MYO9A: variants seen among roughly 807,000 people sequenced by gnomAD.
MYO9A encodes myosin IXA, also known as unconventional myosin-IXa.
A neutral mutation model predicts 293.3 loss-of-function variants in MYO9A; 103 were observed. That is an observed-to-expected ratio of 0.35 (90% confidence interval 0.30 to 0.41). The LOEUF is 0.41. Among genes scored for constraint, MYO9A ranks in the 10% least tolerant of loss-of-function variants. The probability of loss-of-function intolerance (pLI) is 1.00; values close to 1 mark genes in which losing one functional copy is unlikely to be tolerated. For synonymous variants in MYO9A, 1,001 were observed against 1,035.7 expected (o/e 0.97, Z 0.64); for missense variants, 2,685 against 3,033.0 (o/e 0.89, Z 2.69).
At chr15:71,923,092 G>A (rs753389202) in intron 18 of MYO9A, among the ~76,000 whole-genome samples, 5 of 152,134 alleles carry the variant, frequency 3.3e-5, no homozygotes, top group Non-Finnish European at 7.4e-5. Flanking sequence ...TCATGAATGA[G>A]TGTTGAATTT....
At chr15:72,043,350 A>C (rs186035468) in intron 2 of MYO9A, among the ~76,000 whole-genome samples, 2 of 152,350 alleles carry the variant, frequency 1.3e-5, no homozygotes, top group Admixed American at 6.5e-5. Flanking sequence ...TGATCTAGTC[A>C]TTACATTGCT....
intron 18 of MYO9A, among the ~76,000 whole-genome samples, chr15:71,929,625 A>G (rs1313664093): frequency 6.6e-6 from 1 of 152,208 alleles, no homozygotes; most frequent in Non-Finnish European, 1.5e-5. Flanking sequence ...CTTGTATCGC[A>G]AGAATAAACC....
At chr15:71,838,364 C>CT (rs772175830) in intron 39 of MYO9A, among the ~76,000 whole-genome samples, 39 of 151,884 alleles carry the variant, frequency 2.6e-4, no homozygotes, top group Non-Finnish European at 4.6e-4. Context: ...CTTTAATGGT[C>CT]TTATATAATA....
Position 71,901,269 on chromosome 15 carries a change from T to C in MYO9A, c.3072A>G (p.Ile1024Met), listed in dbSNP as rs556777858. 5 of 1,614,030 alleles carry C rather than the reference T, an allele frequency of 3.1e-6. No homozygotes were observed. In the African/African-American group the frequency reaches 5.3e-5, roughly 17 times the overall value. Reference protein sequence around the residue: ...LLHQEVLRRIILLQRWFRVLL... With the variant: ...LLHQEVLRRIMLLQRWFRVLL... Reference sequence around the variant, plus strand: ...AGACCCTGAACCATCGCTGCAACAATATGATTCTGCGGAGCACCTCTTGGT... The same window carrying C: ...AGACCCTGAACCATCGCTGCAACAACATGATTCTGCGGAGCACCTCTTGGT... The change falls in exon 23 of 42, where the codon ATA (isoleucine) becomes ATG (methionine). Residue 1024 changes from isoleucine (I) to methionine (M), a missense_variant. Physicochemically the swap from Ile to Met is conservative, Grantham distance 10. Coordinates refer to ENST00000356056, the MANE Select transcript of MYO9A (RefSeq NM_006901.4).
intron 12 of MYO9A, among the ~76,000 whole-genome samples, chr15:71,971,636 A>C (rs1368933752): frequency 6.6e-6 from 1 of 151,602 alleles, no homozygotes; most frequent in Admixed American, 6.6e-5. Flanking sequence ...CTACTACCTC[A>C]GTTGCTGTTT....
intron 1 of MYO9A, among the ~76,000 whole-genome samples, chr15:72,082,721 G>T (rs564770938): frequency 6.6e-6 from 1 of 150,394 alleles, no homozygotes; most frequent in Non-Finnish European, 1.5e-5. Flanking sequence ...CTCGTTTATT[G>T]AGAGTTTTTA....
intron 7 of MYO9A, 71 bp downstream of exon 7, chr15:72,010,279 C>T (rs891108328): frequency 9.3e-6 from 12 of 1,283,902 alleles, no homozygotes; most frequent in Admixed American, 1.8e-5. Flanking sequence ...AAAAGGTCAA[C>T]GGCAGAAATC....
intron 1 of MYO9A, among the ~76,000 whole-genome samples, chr15:72,100,024 G>A (rs562997166): frequency 8.6e-5 from 13 of 151,658 alleles, no homozygotes; most frequent in East Asian, 2.0e-4. Flanking sequence ...TGAGGCAGGC[G>A]GATCACCTGA....
At chr15:72,089,496 G>A (rs1412437014) in intron 1 of MYO9A, among the ~76,000 whole-genome samples, 5 of 152,050 alleles carry the variant, frequency 3.3e-5, no homozygotes, top group East Asian at 1.9e-4. Flanking sequence ...AGAACCGTAT[G>A]AGCTGGGCCA....
intron 7 of MYO9A, among the ~76,000 whole-genome samples, chr15:72,009,053 C>A (rs990386211): frequency 6.6e-6 from 1 of 151,930 alleles, no homozygotes; most frequent in Non-Finnish European, 1.5e-5. Flanking sequence ...GAATCATTCA[C>A]GTGACTCACA....
At chr15:72,014,620 G>A (rs2077269007) in intron 6 of MYO9A, among the ~76,000 whole-genome samples, 1 of 151,974 alleles carries the variant, frequency 6.6e-6, no homozygotes, top group Admixed American at 6.6e-5. Context: ...CAGAAGGTGG[G>A]AGTTGCAGTG....
chr15:71,897,392 G>A (rs2057360017), intron 25 of MYO9A, 69 bp downstream of exon 25: 2 of 1,472,920 alleles, frequency 1.4e-6, no homozygotes, highest in Non-Finnish European at 1.8e-6. Context: ...AGTTGGAGCA[G>A]AACAAGGCAC....
chr15:72,098,130 C>T (rs958531489), intron 1 of MYO9A, among the ~76,000 whole-genome samples: 1 of 152,012 alleles, frequency 6.6e-6, no homozygotes, highest in African/African-American at 2.4e-5. Context: ...TTTCCCTATG[C>T]TTCCTCCTCC....
At chr15:71,992,544 T>C (rs970532291) in intron 10 of MYO9A, among the ~76,000 whole-genome samples, 1 of 152,164 alleles carries the variant, frequency 6.6e-6, no homozygotes, top group Non-Finnish European at 1.5e-5. Context: ...CAAAAATAAA[T>C]CAATTTGATA....
intron 11 of MYO9A, among the ~76,000 whole-genome samples, chr15:71,982,585 G>T (rs553595249): frequency 1.3e-5 from 2 of 152,250 alleles, no homozygotes; most frequent in South Asian, 4.1e-4. Context: ...ATCCTTAATT[G>T]ATTAGGTTTC....
At chr15:71,909,033 T>C (rs921569658) in intron 19 of MYO9A, among the ~76,000 whole-genome samples, 3 of 152,214 alleles carry the variant, frequency 2.0e-5, no homozygotes, top group Non-Finnish European at 4.4e-5. Flanking sequence ...TATTGGCTTC[T>C]TTCACTCAGT....
At chr15:72,109,376 CA>C (rs1392315115) in intron 1 of MYO9A, among the ~76,000 whole-genome samples, 4 of 146,922 alleles carry the variant, frequency 2.7e-5, no homozygotes, top group Non-Finnish European at 6.0e-5. Flanking sequence ...GGTGACAGAG[CA>C]AGGCTCTGTC....
intron 15 of MYO9A, among the ~76,000 whole-genome samples, chr15:71,949,371 A>C (rs1183342148): frequency 6.7e-6 from 1 of 150,236 alleles, no homozygotes; most frequent in East Asian, 2.0e-4. Context: ...ACCTGGCTAA[A>C]TTTTGTATTT....
At chr15:71,918,382 G>A (rs1177290656) in intron 18 of MYO9A, among the ~76,000 whole-genome samples, 1 of 151,782 alleles carries the variant, frequency 6.6e-6, no homozygotes, top group Non-Finnish European at 1.5e-5. Flanking sequence ...CAATTATATA[G>A]AATTATTTAT....
Sources: gnomAD v4.1 joint callset for allele counts (sites outside exome capture counted in the v4.1 genomes callset) on GRCh38, gnomAD v4.1.1 for gene constraint, MANE v1.5 for transcripts, NCBI Gene and HGNC (gene_info 2026-07-23, HGNC 2026-07-21) for gene names.